The following CTDSPL2 variants were observed in gnomAD, a reference collection of about 807,000 sequenced individuals.
CTDSPL2 encodes CTD small phosphatase like 2, also known as CTD small phosphatase-like protein 2.
In CTDSPL2, 5 loss-of-function variants were observed where a neutral mutation model predicts 60.0. That is an observed-to-expected ratio of 0.08 (90% confidence interval 0.04 to 0.18). The LOEUF is 0.18. Among genes scored for constraint, CTDSPL2 ranks in the 10% least tolerant of loss-of-function variants. The pLI is 1.00. For synonymous variants in CTDSPL2, 186 were observed against 189.3 expected, an observed-to-expected ratio of 0.98 and a Z score of 0.14; for missense variants, 370 against 548.8, an observed-to-expected ratio of 0.67 and a Z score of 3.26.
chr15:44,466,150 T>C (rs1272130489), intron 2 of CTDSPL2, among the ~76,000 whole-genome samples: 1 of 151,982 alleles, frequency 6.6e-6, no homozygotes, highest in Non-Finnish European at 1.5e-5. Flanking sequence ...TTGGCCACGC[T>C]GGTCTCGAAC....
At chr15:44,493,192 G>T (rs561368035) in intron 5 of CTDSPL2, among the ~76,000 whole-genome samples, 7 of 152,244 alleles carry the variant, frequency 4.6e-5, no homozygotes, top group Admixed American at 1.3e-4. Flanking sequence ...GGTGAGTGCT[G>T]CTACAAAGAA....
chr15:44,503,336 T>G (rs2081410344), intron 8 of CTDSPL2: 2 of 152,204 alleles, frequency 1.3e-5, no homozygotes, highest in Admixed American at 6.5e-5. Flanking sequence ...TTGCACATGT[T>G]TAATCTTTAT....
chr15:44,447,357 T>C (rs891724298), intron 1 of CTDSPL2, among the ~76,000 whole-genome samples: 1 of 152,222 alleles, frequency 6.6e-6, no homozygotes, highest in African/African-American at 2.4e-5. Flanking sequence ...ATCAAAGTTA[T>C]GTTTGATGTC....
At chr15:44,505,108 G>C (rs917939934) in intron 8 of CTDSPL2, among the ~76,000 whole-genome samples, 1 of 152,004 alleles carries the variant, frequency 6.6e-6, no homozygotes, top group Admixed American at 6.6e-5. Flanking sequence ...TGTCTAAAAT[G>C]TATCTTTCAA....
At chr15:44,442,073 C>G (rs910300584) in intron 1 of CTDSPL2, among the ~76,000 whole-genome samples, 7 of 152,190 alleles carry the variant, frequency 4.6e-5, no homozygotes, top group Non-Finnish European at 8.8e-5. Context: ...AGCTCCTCCT[C>G]TGTAACTTTT....
At position 44,474,325 on chromosome 15, in the gene CTDSPL2, T is replaced by C. The variant is rs2080870772; in HGVS notation, c.187-9899T>C. Among the ~76,000 whole-genome samples the C allele has an allele frequency of 7.2e-5, 11 of 152,020 alleles. No individual in the cohort carries two copies. The South Asian group carries it at 2.3e-3, about 32-fold the overall frequency. On this transcript the variant is annotated intron_variant, in intron 2 of 12. Transcript: ENST00000260327. ...GGGCAACATGGTGAAACCCTATCTCTAATAAAGTACAAGAAATTAGCTGGG... is the reference window on the plus strand; with the variant it reads ...GGGCAACATGGTGAAACCCTATCTCCAATAAAGTACAAGAAATTAGCTGGG...
rs1371636233 is a variant in CTDSPL2 at position 44,524,756 on chromosome 15, A to G, written c.*582A>G. 6.6e-6 allele frequency: 1 copy of G among 152,606 alleles called. No individual in the cohort carries two copies. The highest frequency in any genetic ancestry group is 1.5e-5 in the Non-Finnish European group (1 of 68,062). The allele number at this position is 152,606 out of a possible 1,614,324, so 9.5% of individuals were successfully genotyped here. The stretch of plus-strand genomic sequence containing the variant: ...GATAGTCAATTTTTAGTTTTTTATT[A>G]TACATTTGAATGGCCGTTTTCCTGC... On this transcript the variant is annotated 3_prime_UTR_variant, in exon 13 of 13. Coordinates refer to ENST00000260327, the MANE Select transcript of CTDSPL2 (RefSeq NM_016396.3).
chr15:44,460,150 C>T (rs2080535382), intron 2 of CTDSPL2, among the ~76,000 whole-genome samples: 1 of 152,134 alleles, frequency 6.6e-6, no homozygotes, highest in Non-Finnish European at 1.5e-5. Flanking sequence ...CTTGCTCTGT[C>T]TCCAGGCTGG....
rs1218186680 is a variant in CTDSPL2 at position 44,497,048 on chromosome 15, C to G, written c.792C>G (p.Val264=). ...VFDPYYFIKH[V]PPLTEEQLNR... ...ATAGCTATTATTTCATCAAACATGT[C>G]CCGCCACTGACAGAAGAACAACTAA... The change falls in exon 7 of 13, where the codon GTC becomes GTG. Residue 264 remains valine, a synonymous_variant. Transcript: ENST00000260327. 1.2e-6 allele frequency: 2 copies of G among 1,605,778 alleles called. No individual in the cohort carries two copies. The highest frequency in any genetic ancestry group is 1.7e-5 in the Admixed American group (1 of 59,088).
intron 8 of CTDSPL2, among the ~76,000 whole-genome samples, chr15:44,502,207 C>G (rs938541956): frequency 6.6e-6 from 1 of 151,756 alleles, no homozygotes; most frequent in South Asian, 2.1e-4. Flanking sequence ...AGTTCCATAG[C>G]GTGTATCTGT....
At chr15:44,430,337 C>G (rs1280429843) in intron 1 of CTDSPL2, among the ~76,000 whole-genome samples, 1 of 152,040 alleles carries the variant, frequency 6.6e-6, no homozygotes, top group Non-Finnish European at 1.5e-5. Flanking sequence ...TAGTGAACCC[C>G]TGGGCCTATG....
chr15:44,503,760 G>A (rs2081415317), intron 8 of CTDSPL2: 1 of 152,230 alleles, frequency 6.6e-6, no homozygotes, highest in African/African-American at 2.4e-5. Context: ...TTTTGACTCT[G>A]TTCACCAATA....
intron 10 of CTDSPL2, among the ~76,000 whole-genome samples, chr15:44,515,473 T>C (rs573410508): frequency 6.6e-6 from 1 of 152,108 alleles, no homozygotes; most frequent in Non-Finnish European, 1.5e-5. Flanking sequence ...TCAGCTGAAG[T>C]GAGATAGTAA....
chr15:44,446,532 A>G (rs1367670390), intron 1 of CTDSPL2, among the ~76,000 whole-genome samples: 3 of 152,146 alleles, frequency 2.0e-5, no homozygotes, highest in Admixed American at 2.0e-4. Context: ...TGGGAGGCCA[A>G]GGCAGGAGAA....
At chr15:44,491,907 G>T (rs1013415519) in intron 5 of CTDSPL2, among the ~76,000 whole-genome samples, 1 of 152,060 alleles carries the variant, frequency 6.6e-6, no homozygotes, top group Admixed American at 6.6e-5. Flanking sequence ...TGTCGCCCAC[G>T]CTGGACAGTG....
chr15:44,468,959 G>A (rs1013668723), intron 2 of CTDSPL2, among the ~76,000 whole-genome samples: 1 of 152,034 alleles, frequency 6.6e-6, no homozygotes, highest in Non-Finnish European at 1.5e-5. Context: ...TCACTTAGTA[G>A]CTTTCTTGTT....
chr15:44,497,965 CCAGCCTGGG>C (rs2081329333), intron 7 of CTDSPL2, among the ~76,000 whole-genome samples: 1 of 151,958 alleles, frequency 6.6e-6, no homozygotes, highest in Non-Finnish European at 1.5e-5. Context: ...TCACTGTGCT[CCAGCCTGGG>C]CAACAGGGCA....
rs376155710 is a variant in CTDSPL2 at position 44,491,740 on chromosome 15, T to C, written c.691+741T>C. 1.6e-4 allele frequency among the ~76,000 whole-genome samples: 24 copies of C among 152,208 alleles called. 1 individual carries two copies. The highest frequency in any genetic ancestry group is 1.2e-3 in the East Asian group (6 of 5,206). ...GGTATTTGAGAGAGCGCAGTAAATA[T>C]ATATTAGTTAAGAAACATAGTTTGG... is the stretch of plus-strand genomic sequence containing the variant. On this transcript the variant is annotated intron_variant, in intron 5 of 12. Coordinates refer to ENST00000260327, the MANE Select transcript of CTDSPL2 (RefSeq NM_016396.3).
intron 1 of CTDSPL2, among the ~76,000 whole-genome samples, chr15:44,444,491 C>T (rs2080161287): frequency 6.6e-6 from 1 of 151,886 alleles, no homozygotes; most frequent in South Asian, 2.1e-4. Context: ...ACCACAGGCA[C>T]ACATCACTAC....
Sources: gnomAD v4.1 joint callset for allele counts (sites outside exome capture counted in the v4.1 genomes callset) on GRCh38, gnomAD v4.1.1 for gene constraint, MANE v1.5 for transcripts, NCBI Gene and HGNC (gene_info 2026-07-23, HGNC 2026-07-21) for gene names.